CFAP70: variants seen among roughly 807,000 people sequenced by gnomAD.
The protein encoded by CFAP70 is cilia- and flagella-associated protein 70.
CFAP70 carries 81 observed loss-of-function variants against 137.6 expected under a neutral mutation model. That is an observed-to-expected ratio of 0.59 (90% CI 0.49 to 0.71). CFAP70 has a LOEUF of 0.71. Among genes scored for constraint, CFAP70 ranks in the 30% least tolerant of loss-of-function variants. The pLI is 0.00. For missense variants in CFAP70, 976 were observed against 1,226.7 expected, an observed-to-expected ratio of 0.80 and a Z score of 3.05; for synonymous variants, 382 against 423.6, an observed-to-expected ratio of 0.90 and a Z score of 1.20.
At chr10:73,257,359 T>A (rs770793769) in intron 25 of CFAP70, among the ~76,000 whole-genome samples, 3 of 152,176 alleles carry the variant, frequency 2.0e-5, no homozygotes, top group South Asian at 2.1e-4. Flanking sequence ...ATAAGAACAT[T>A]AACTACTCCC....
chr10:73,277,841 A>G (rs1775724003), intron 20 of CFAP70, among the ~76,000 whole-genome samples: 2 of 152,244 alleles, frequency 1.3e-5, no homozygotes, highest in South Asian at 2.1e-4. Context: ...GGAGCACTCA[A>G]AGGTTCTCAA....
intron 19 of CFAP70, among the ~76,000 whole-genome samples, chr10:73,290,044 C>CAAAAAAAAGAAAAA (rs2048053251): frequency 1.4e-5 from 1 of 72,238 alleles, no homozygotes; most frequent in African/African-American, 4.4e-5. Context: ...GACTCCATCT[C>CAAAAAAAAGAAAAA]AAAAAAAAAA....
At chr10:73,305,792 A>C (rs1308743337) in intron 12 of CFAP70, among the ~76,000 whole-genome samples, 1 of 152,208 alleles carries the variant, frequency 6.6e-6, no homozygotes, top group Non-Finnish European at 1.5e-5. Context: ...AAATAGTACA[A>C]ATAAATAAAA....
chr10:73,254,651 T>C (rs940572387), intron 26 of CFAP70, among the ~76,000 whole-genome samples: 4 of 152,214 alleles, frequency 2.6e-5, no homozygotes, highest in Non-Finnish European at 5.9e-5. Flanking sequence ...ACTAAAGTCA[T>C]TGGGTAGGAC....
intron 25 of CFAP70, among the ~76,000 whole-genome samples, chr10:73,264,069 C>T (rs2045528956): frequency 6.6e-6 from 1 of 152,198 alleles, no homozygotes; most frequent in Non-Finnish European, 1.5e-5. Context: ...CCACTTCAAG[C>T]TAGTTTCTGT....
intron 8 of CFAP70, among the ~76,000 whole-genome samples, chr10:73,329,799 ATT>A (rs1466414035): frequency 2.2e-4 from 34 of 152,300 alleles, no homozygotes; most frequent in African/African-American, 7.9e-4. Context: ...CTAAATTCTC[ATT>A]AATGGTGGAG....
chr10:73,291,596 T>G, intron 18 of CFAP70, 44 bp downstream of exon 19: 1 of 1,560,028 alleles, frequency 6.4e-7, no homozygotes, highest in Non-Finnish European at 8.8e-7. Flanking sequence ...GGGAAAATCT[T>G]ATAATGGGGA....
At position 73,310,353 on chromosome 10, in the gene CFAP70, T is replaced by C. The variant is rs538833357; in HGVS notation, c.1165-104A>G. ...CAATATAATAAGTGAGAAAACTGCA[T>C]ATATAACTACATATACAGTGTGATC... On this transcript the variant is annotated intron_variant, in intron 11 of 26. Coordinates refer to ENST00000310715, the Ensembl canonical transcript of CFAP70. 3 of 679,174 alleles carry C rather than the reference T, an allele frequency of 4.4e-6. No individual in the cohort carries two copies. In the South Asian group the frequency reaches 5.7e-5, roughly 13 times the overall value. The allele number at this position is 679,174 out of a possible 1,614,324, so 42.1% of individuals were successfully genotyped here. A position where few individuals can be genotyped will look rare whatever the true frequency, so the allele number is the denominator to read the frequency against.
At chr10:73,338,804 G>C (rs1476666052) in intron 6 of CFAP70, among the ~76,000 whole-genome samples, 1 of 151,882 alleles carries the variant, frequency 6.6e-6, no homozygotes, top group African/African-American at 2.4e-5. Flanking sequence ...AATATGGAGG[G>C]CCAATTTGTC....
chr10:73,305,686 T>C (rs976969855), intron 12 of CFAP70, among the ~76,000 whole-genome samples: 6 of 152,214 alleles, frequency 3.9e-5, no homozygotes, highest in Admixed American at 3.3e-4. Flanking sequence ...CCTTCAACAA[T>C]AAAAAGCAGC....
At chr10:73,348,169 C>G (rs748363975) in intron 4 of CFAP70, 45 of 1,613,938 alleles carry the variant, frequency 2.8e-5, no homozygotes, top group Non-Finnish European at 3.8e-5. Flanking sequence ...AGCACTTGAT[C>G]TAGGAGTTTC....
At chr10:73,333,971 T>A (rs2052371206) in intron 7 of CFAP70, among the ~76,000 whole-genome samples, 1 of 152,218 alleles carries the variant, frequency 6.6e-6, no homozygotes, top group South Asian at 2.1e-4. Flanking sequence ...AAAAGAATTA[T>A]ACACCATGAC....
intron 19 of CFAP70, among the ~76,000 whole-genome samples, chr10:73,287,926 C>A (rs899743059): frequency 6.6e-6 from 1 of 151,900 alleles, no homozygotes; most frequent in African/African-American, 2.4e-5. Context: ...GAGATGGAGT[C>A]TGGCTCTGTC....
At chr10:73,318,216 T>G (rs2050557913) in intron 9 of CFAP70, among the ~76,000 whole-genome samples, 1 of 152,220 alleles carries the variant, frequency 6.6e-6, no homozygotes, top group Non-Finnish European at 1.5e-5. Flanking sequence ...TTGATGCTTT[T>G]GGGCAATTTT....
chr10:73,275,472 G>T lies in CFAP70; in HGVS notation c.2647C>A (p.Gln883Lys). The T allele has an allele frequency of 3.1e-6, 5 of 1,608,294 alleles. No individual in the cohort carries two copies. The highest frequency in any genetic ancestry group is 4.2e-6 in the Non-Finnish European group (5 of 1,178,010). The change falls in exon 22 of 27, where the codon CAA becomes AAA. Residue 883 changes from glutamine to lysine, a missense_variant. Gln to Lys is a moderately conservative substitution (Grantham distance 53). Coordinates refer to ENST00000310715, the Ensembl canonical transcript of CFAP70. This position sits in a 1 kb window ranked among gnomAD's most constrained non-coding sequence, Gnocchi z 4.0. ...AGGTAGTCCATCTGGGCTGCTTGTT[G>T]AAGGTATTCCTCTGCCTTGGCAAAG... is the stretch of plus-strand genomic sequence containing the variant.
Position 73,275,770 on chromosome 10 carries a change from T to C in CFAP70, c.2521-172A>G. Reference sequence around the variant, plus strand: ...TTACAAACATTCTGCACTTCATAGTTCCATTACCAGCTATTCACCTAGTCA... The same window carrying C: ...TTACAAACATTCTGCACTTCATAGTCCCATTACCAGCTATTCACCTAGTCA... On this transcript the variant is annotated intron_variant, in intron 21 of 26. Coordinates refer to ENST00000310715, the Ensembl canonical transcript of CFAP70. The surrounding 1 kb of genome is among the most constrained non-coding windows in gnomAD (Gnocchi z 4.0). 1.8e-6 allele frequency: 1 copy of C among 543,426 alleles called. No homozygotes were observed. Among genetic ancestry groups the C allele is most frequent in the Non-Finnish European group, 3.0e-6 (1 of 330,784 alleles). 33.7% of individuals were successfully genotyped at this position (543,426 alleles called of 1,614,324 possible).
chr10:73,349,537 C>T (rs1199748323), intron 3 of CFAP70, among the ~76,000 whole-genome samples: 4 of 148,946 alleles, frequency 2.7e-5, no homozygotes, highest in Non-Finnish European at 4.4e-5. Flanking sequence ...AGCGAGACTC[C>T]GTCTCAAAAA....
intron 3 of CFAP70, among the ~76,000 whole-genome samples, chr10:73,352,456 T>C (rs1691953208): frequency 6.6e-6 from 1 of 152,134 alleles, no homozygotes. Flanking sequence ...AGAGCAGACT[T>C]TTATCAGGCT....
chr10:73,293,544 A>G, intron 15 of CFAP70, 156 bp from the exon 17 acceptor site: 1 of 555,278 alleles, frequency 1.8e-6, no homozygotes, highest in Non-Finnish European at 3.0e-6. Flanking sequence ...TAAAAGAATA[A>G]GAGTGAACCA....
Sources: gnomAD v4.1 joint callset for allele counts (sites outside exome capture counted in the v4.1 genomes callset) on GRCh38, gnomAD v4.1.1 for gene constraint, Gnocchi (gnomAD v3.1) non-coding constraint, MANE v1.5 for transcripts, NCBI Gene and HGNC (gene_info 2026-07-23, HGNC 2026-07-21) for gene names.